ANK2: variants seen among roughly 807,000 people sequenced by gnomAD.
ANK2 encodes the protein ankyrin 2, also known as ankyrin-2.
ANK2 carries 83 observed loss-of-function variants against 360.5 expected under a neutral mutation model. That is an observed-to-expected ratio of 0.23 (90% CI 0.19 to 0.28). The LOEUF (loss-of-function observed/expected upper bound fraction) is 0.28. Among genes scored for constraint, ANK2 ranks in the 10% least tolerant of loss-of-function variants. The pLI is 1.00. For synonymous variants in ANK2, 1,740 were observed against 1,759.5 expected (o/e 0.99, Z 0.28); for missense variants, 4,201 against 4,795.7 (o/e 0.88, Z 3.66).
At chr4:113,247,161 GA>G (rs780555782) in intron 9 of ANK2, among the ~76,000 whole-genome samples, 5,153 of 121,428 alleles carry the variant, frequency 0.042, 111 homozygotes, top group African/African-American at 0.08. Context: ...TGATTCTAGA[GA>G]AAAAAAAAAA....
At chr4:113,188,788 C>T (rs1215260185) in intron 2 of ANK2, among the ~76,000 whole-genome samples, 3 of 152,072 alleles carry the variant, frequency 2.0e-5, no homozygotes, top group Non-Finnish European at 4.4e-5. Context: ...TTAATGGTAA[C>T]CAATTTGGGC....
intron 2 of ANK2, among the ~76,000 whole-genome samples, chr4:113,028,022 A>G (rs2059636595): frequency 6.6e-6 from 1 of 152,162 alleles, no homozygotes; most frequent in South Asian, 2.1e-4. Context: ...TGGTAAAGCT[A>G]TTAAAATAGG....
intron 1 of ANK2, among the ~76,000 whole-genome samples, chr4:112,822,414 T>A: frequency 2.3e-5 from 3 of 130,938 alleles, no homozygotes; most frequent in Non-Finnish European, 3.1e-5. Context: ...CGAGATTCCG[T>A]CTCAAAAAAA....
chr4:113,072,369 G>A (rs1434481965), intron 1 of ANK2, among the ~76,000 whole-genome samples: 1 of 152,192 alleles, frequency 6.6e-6, no homozygotes, highest in Non-Finnish European at 1.5e-5. Context: ...CAGACATAAG[G>A]AGTCACTTAA....
At chr4:113,151,926 G>C (rs1411629553) in intron 1 of ANK2, among the ~76,000 whole-genome samples, 1 of 150,202 alleles carries the variant, frequency 6.7e-6, no homozygotes, top group Non-Finnish European at 1.5e-5. Flanking sequence ...AAATTACTAG[G>C]TGTGCTGGCA....
intron 2 of ANK2, among the ~76,000 whole-genome samples, chr4:112,922,287 A>G (rs78842575): frequency 0.022 from 3,328 of 152,244 alleles, 107 homozygotes; most frequent in East Asian, 0.14. Flanking sequence ...TGGTTGTTCA[A>G]TTCTCCTTTT....
the ANK2 span, among the ~76,000 whole-genome samples, chr4:112,725,955 G>A: frequency 6.0e-4 from 92 of 152,248 alleles, 1 homozygote; most frequent in African/African-American, 2.1e-3. Flanking sequence ...CAGGTAGTAA[G>A]AAGGATTATG....
In ANK2 at chr4:113,172,509, G is replaced by T. The variant is rs556701298; in HGVS notation, c.85-1907G>T. 5.9e-5 allele frequency among the ~76,000 whole-genome samples: 9 copies of T among 152,220 alleles called. No homozygotes were observed. In the East Asian group the frequency reaches 1.5e-3, roughly 26 times the overall value. On this transcript the variant is annotated intron_variant, in intron 1 of 45. Coordinates refer to ENST00000357077, the MANE Select transcript of ANK2 (RefSeq NM_001148.6). ...TTCCTCATCTATTAAATGGGCATAA[G>T]AATAGTTTTTTTCTCATAGTATTGT...
At chr4:113,136,791 C>T (rs1290815929) in intron 1 of ANK2, among the ~76,000 whole-genome samples, 2 of 139,610 alleles carry the variant, frequency 1.4e-5, no homozygotes, top group Non-Finnish European at 3.1e-5. Context: ...CAGTTTCATT[C>T]TGTCACCCAG....
At chr4:112,783,130 G>A in the ANK2 span, among the ~76,000 whole-genome samples, 1 of 151,948 alleles carries the variant, frequency 6.6e-6, no homozygotes, top group Non-Finnish European at 1.5e-5. Context: ...GGCTGGTCTC[G>A]AGCTCCTGAC....
In ANK2 at chr4:113,354,080, G is replaced by T; in HGVS notation, c.5462G>T (p.Gly1821Val). The T allele has an allele frequency of 1.2e-6, 2 of 1,613,894 alleles. No homozygotes were observed. Among genetic ancestry groups the T allele is most frequent in the Non-Finnish European group, 1.7e-6 (2 of 1,179,952 alleles). The change falls in exon 38 of 46, where the codon GGG becomes GTG. Residue 1821 changes from glycine (G) to valine (V), a missense_variant. By Grantham distance (109) the Gly-to-Val change is moderately radical (BLOSUM62 -3). Coordinates refer to ENST00000357077, the MANE Select transcript of ANK2 (RefSeq NM_001148.6). ...CTGAAGTCAGAGAGACATGCGCCAG[G>T]GTCTCCCTCCCCTAAAACAGAAAGA... is the stretch of plus-strand genomic sequence containing the variant. ...PSLKSERHAPGSPSPKTERHS... is the reference protein window; with the variant it reads ...PSLKSERHAPVSPSPKTERHS...
chr4:113,357,176 G>A lies in ANK2; in HGVS notation c.8558G>A (p.Cys2853Tyr). ...SFSSSSSLPHCLVSEGKELDE... is the reference protein window; with the variant it reads ...SFSSSSSLPHYLVSEGKELDE... ...TCATCTTCATCCTCTTTGCCTCATT[G>A]TTTGGTATCTGAAGGAAAAGAATTA... The change falls in exon 38 of 46, where the codon TGT (cysteine) becomes TAT (tyrosine). Residue 2853 changes from cysteine (C) to tyrosine (Y), a missense_variant. This residue lies in a region of ANK2 where 2,642 missense variants were observed against 2,714.5 expected (regional missense o/e 0.97). Coordinates refer to ENST00000357077, the MANE Select transcript of ANK2 (RefSeq NM_001148.6). 6.2e-7 allele frequency: 1 copy of A among 1,614,104 alleles called. No individual in the cohort carries two copies. The highest frequency in any genetic ancestry group is 8.5e-7 in the Non-Finnish European group (1 of 1,179,980).
chr4:113,373,465 T>C lies in ANK2; in HGVS notation c.11859+16T>C. On this transcript the variant is annotated intron_variant, in intron 45 of 45. Transcript: ENST00000357077. ...GCAGTCAGAGGTGAGACAACCTGAT[T>C]CTCTAAAACCCATTTGATGGAGAGG... The C allele has an allele frequency of 6.2e-7, 1 of 1,613,720 alleles. No individual in the cohort carries two copies. Among genetic ancestry groups the C allele is most frequent in the South Asian group, 1.1e-5 (1 of 91,066 alleles).
chr4:112,779,579 A>C, the ANK2 span, among the ~76,000 whole-genome samples: 2 of 152,074 alleles, frequency 1.3e-5, no homozygotes, highest in African/African-American at 4.8e-5. Flanking sequence ...TAGATTTCTC[A>C]TTTTCTTCTT....
At chr4:112,726,870 A>T in the ANK2 span, among the ~76,000 whole-genome samples, 1 of 151,072 alleles carries the variant, frequency 6.6e-6, no homozygotes, top group East Asian at 1.9e-4. Flanking sequence ...AAAAAAAAAA[A>T]GAATTCTCCT....
the ANK2 span, among the ~76,000 whole-genome samples, chr4:112,718,440 G>T: frequency 1.3e-5 from 2 of 149,674 alleles, no homozygotes; most frequent in South Asian, 4.2e-4. Context: ...TCAGCCTCCT[G>T]AGTAGCTGGG....
At chr4:112,998,738 T>C (rs550484501) in intron 2 of ANK2, among the ~76,000 whole-genome samples, 20 of 152,320 alleles carry the variant, frequency 1.3e-4, no homozygotes, top group Middle Eastern at 3.4e-3. Flanking sequence ...GAACCTTCCA[T>C]ATGTCATTGT....
chr4:113,138,652 A>T (rs916571802), intron 1 of ANK2, among the ~76,000 whole-genome samples: 7 of 152,156 alleles, frequency 4.6e-5, no homozygotes, highest in South Asian at 2.1e-4. Context: ...GGATTTTAAA[A>T]TATTTTGAAA....
chr4:113,051,361 C>G (rs1367946108), intron 1 of ANK2, among the ~76,000 whole-genome samples: 1 of 152,028 alleles, frequency 6.6e-6, no homozygotes, highest in Non-Finnish European at 1.5e-5. Context: ...GATTTTTGAG[C>G]TCTGAATGAT....
Sources: allele counts gnomAD v4.1 joint callset (sites outside exome capture counted in the v4.1 genomes callset), GRCh38; gene constraint gnomAD v4.1.1; regional missense constraint gnomAD v4.1.1; transcripts MANE v1.5; gene names NCBI Gene and HGNC (gene_info 2026-07-23, HGNC 2026-07-21).